The following MED27 variants were observed in gnomAD, a reference collection of about 807,000 sequenced individuals.
MED27 encodes mediator complex subunit 27.
In MED27, 30 loss-of-function variants were observed where a neutral mutation model predicts 38.2. The observed-to-expected ratio is 0.79, with a 90% CI of 0.59 to 1.07. MED27 has a LOEUF of 1.07. Ranked by LOEUF, MED27 falls within the 50% of genes least tolerant of loss-of-function variation. The pLI, the probability that MED27 is intolerant of heterozygous loss-of-function variation, is 0.00. For missense variants in MED27, 289 were observed against 397.5 expected (o/e 0.73, Z 2.32); for synonymous variants, 122 against 153.5 (o/e 0.79, Z 1.52).
chr9:131,964,377 A>ATGGTGATGGTGG (rs1491228600), intron 3 of MED27, among the ~76,000 whole-genome samples: 446 of 4,250 alleles, frequency 0.1, 6 homozygotes, highest in African/African-American at 0.25. Flanking sequence ...GGTAGTAGTG[A>ATGGTGATGGTGG]TGGTGATGGT....
intron 2 of MED27, among the ~76,000 whole-genome samples, chr9:132,071,880 C>G (rs534255302): frequency 6.6e-6 from 1 of 151,574 alleles, no homozygotes; most frequent in Non-Finnish European, 1.5e-5. Context: ...ACGCATAACA[C>G]GCGCCCCATG....
At chr9:132,070,723 C>G (rs1161192190) in intron 2 of MED27, among the ~76,000 whole-genome samples, 1 of 151,884 alleles carries the variant, frequency 6.6e-6, no homozygotes, top group East Asian at 1.9e-4. Context: ...TTCTCACCTC[C>G]TCTCCATGGT....
intron 4 of MED27, among the ~76,000 whole-genome samples, chr9:131,905,725 A>AC (rs1830047650): frequency 4.5e-5 from 2 of 44,672 alleles, no homozygotes; most frequent in East Asian, 5.6e-4. Flanking sequence ...AAAAAAAAAA[A>AC]AACAGAAAAA....
chr9:131,996,142 C>G (rs575586040), intron 3 of MED27, among the ~76,000 whole-genome samples: 7 of 152,150 alleles, frequency 4.6e-5, no homozygotes, highest in Admixed American at 1.3e-4. Flanking sequence ...GACCAGTAGT[C>G]AAAAAGAAGA....
Position 132,003,571 on chromosome 9 carries a change from G to C in MED27, c.479+10766C>G, listed in dbSNP as rs1832290184. Among the ~76,000 whole-genome samples, 1 of 152,120 alleles carries C rather than the reference G, an allele frequency of 6.6e-6. No homozygotes were observed. ...GGGATAGGTGGGATGGGGTGGCAGG[G>C]CTCTGTCACCAACTCCTCTGCCTGC... is the stretch of plus-strand genomic sequence containing the variant. On this transcript the variant is annotated intron_variant, in intron 3 of 7. Transcript: ENST00000292035. This position sits in a 1 kb window ranked among gnomAD's most constrained non-coding sequence, Gnocchi z 4.2.
At chr9:131,993,584 C>T (rs765328408) in intron 3 of MED27, among the ~76,000 whole-genome samples, 10 of 152,186 alleles carry the variant, frequency 6.6e-5, no homozygotes, top group Non-Finnish European at 1.5e-4. Flanking sequence ...AGTGGGGGCA[C>T]ATGGGGAGCA....
chr9:131,957,898 A>T (rs7047152), intron 3 of MED27, among the ~76,000 whole-genome samples: 6 of 129,778 alleles, frequency 4.6e-5, no homozygotes, highest in African/African-American at 6.1e-5. Flanking sequence ...GTCTCTATTT[A>T]AAAAAAAAAA....
At chr9:131,967,164 T>C (rs989883301) in intron 3 of MED27, among the ~76,000 whole-genome samples, 14 of 152,248 alleles carry the variant, frequency 9.2e-5, no homozygotes, top group African/African-American at 3.4e-4. Context: ...TGTACAAAAA[T>C]CTTTGTGCTT....
intron 2 of MED27, among the ~76,000 whole-genome samples, chr9:132,056,652 G>C (rs779706598): frequency 1.3e-5 from 2 of 152,178 alleles, no homozygotes; most frequent in Non-Finnish European, 2.9e-5. Context: ...ACCTGTATGA[G>C]CTCTTTCAGA....
chr9:131,915,832 A>G (rs559724947), intron 4 of MED27, among the ~76,000 whole-genome samples: 2 of 152,330 alleles, frequency 1.3e-5, no homozygotes, highest in African/African-American at 2.4e-5. Flanking sequence ...TCAAACTCAC[A>G]TGAGTAGAAA....
At chr9:131,940,733 T>C (rs1830772563) in intron 3 of MED27, among the ~76,000 whole-genome samples, 1 of 152,196 alleles carries the variant, frequency 6.6e-6, no homozygotes, top group Admixed American at 6.5e-5. Flanking sequence ...GCCTTTTCAT[T>C]TGATTAGTTT....
chr9:131,934,430 T>C (rs2131573154), intron 4 of MED27, among the ~76,000 whole-genome samples: 1 of 151,784 alleles, frequency 6.6e-6, no homozygotes, highest in South Asian at 2.1e-4. Context: ...GCTTGAACTC[T>C]ACAGGAAAAA....
intron 2 of MED27, among the ~76,000 whole-genome samples, chr9:132,065,662 A>G (rs746856236): frequency 1.3e-5 from 2 of 152,196 alleles, no homozygotes; most frequent in African/African-American, 2.4e-5. Context: ...TGCCTTCCTC[A>G]TAAAGGTCAA....
chr9:131,877,284 G>A (rs1041540457), intron 6 of MED27, among the ~76,000 whole-genome samples: 3 of 152,162 alleles, frequency 2.0e-5, no homozygotes, highest in South Asian at 2.1e-4. Context: ...AAAATAACGC[G>A]GCTGGGCACA....
intron 3 of MED27, among the ~76,000 whole-genome samples, chr9:131,973,176 T>C (rs1171826062): frequency 1.3e-5 from 2 of 152,210 alleles, no homozygotes; most frequent in Non-Finnish European, 2.9e-5. Flanking sequence ...TCTAGTACAC[T>C]TTCTTGCTTT....
At chr9:131,960,133 G>A (rs1831184451) in intron 3 of MED27, among the ~76,000 whole-genome samples, 1 of 152,182 alleles carries the variant, frequency 6.6e-6, no homozygotes, top group Admixed American at 6.5e-5. Context: ...TTCACTTGAG[G>A]ATCTCAGAAT....
chr9:132,011,582 A>G (rs1832488338), intron 3 of MED27, among the ~76,000 whole-genome samples: 1 of 152,188 alleles, frequency 6.6e-6, no homozygotes, highest in African/African-American at 2.4e-5. Context: ...TGAGAGGATC[A>G]TTTGAGCTCA....
At chr9:131,943,665 G>A (rs181105899) in intron 3 of MED27, among the ~76,000 whole-genome samples, 1 of 152,342 alleles carries the variant, frequency 6.6e-6, no homozygotes, top group African/African-American at 2.4e-5. Context: ...CAGACGCGGC[G>A]CGGAAAGACA....
intron 5 of MED27, among the ~76,000 whole-genome samples, chr9:131,891,717 A>G (rs1364272965): frequency 6.6e-6 from 1 of 152,178 alleles, no homozygotes; most frequent in Non-Finnish European, 1.5e-5. Context: ...ATCCGCTCGC[A>G]TGTGTATTTT....
Sources: gnomAD v4.1 joint callset for allele counts (sites outside exome capture counted in the v4.1 genomes callset) on GRCh38, gnomAD v4.1.1 for gene constraint, Gnocchi (gnomAD v3.1) non-coding constraint, MANE v1.5 for transcripts, NCBI Gene and HGNC (gene_info 2026-07-23, HGNC 2026-07-21) for gene names.